The following ALPK2 variants were observed in gnomAD, a reference collection of about 807,000 sequenced individuals.
ALPK2 encodes alpha kinase 2.
Under a neutral mutation model 163.1 loss-of-function variants are expected in ALPK2, and 127 were observed. That is an observed-to-expected ratio of 0.78 (90% CI 0.67 to 0.90). The LOEUF (loss-of-function observed/expected upper bound fraction) is 0.90. ALPK2 is among the 40% of genes least tolerant of loss of function. ALPK2 has a pLI of 0.00. For synonymous variants in ALPK2, 953 were observed against 959.1 expected (o/e 0.99, Z 0.12); for missense variants, 2,360 against 2,589.6 (o/e 0.91, Z 1.92).
intron 5 of ALPK2, 36 bp downstream of exon 5, chr18:58,534,798 A>G: frequency 6.4e-7 from 1 of 1,561,662 alleles, no homozygotes; most frequent in South Asian, 1.3e-5. Context: ...CTACAAGCCC[A>G]AACTTTAACA....
intron 3 of ALPK2, among the ~76,000 whole-genome samples, chr18:58,593,602 G>A (rs1393978336): frequency 6.8e-6 from 1 of 147,168 alleles, no homozygotes; most frequent in Non-Finnish European, 1.5e-5. Flanking sequence ...AAAAGACCGG[G>A]TGCAGTGGCT....
At chr18:58,615,235 G>T (rs577083205) in intron 1 of ALPK2, among the ~76,000 whole-genome samples, 1 of 152,264 alleles carries the variant, frequency 6.6e-6, no homozygotes, top group Admixed American at 6.5e-5. Flanking sequence ...ATGCTTTTCA[G>T]AAGCAACTGT....
chr18:58,535,529 A>G lies in ALPK2; in HGVS notation c.4658T>C (p.Leu1553Pro), dbSNP rs2051639849. ...SCLPIMTHAS[L>P]GVDTHNSTGQ... ...TGTGGAGTTGTGCGTGTCAACCCCA[A>G]GAGAAGCGTGAGTCATTATTGGAAG... is the stretch of plus-strand genomic sequence containing the variant. The change falls in exon 5 of 13, where the codon CTT (leucine) becomes CCT (proline). Residue 1553 changes from leucine to proline, a missense_variant. Physicochemically the swap from Leu to Pro is moderately conservative, Grantham distance 98. Coordinates refer to ENST00000361673, the MANE Select transcript of ALPK2 (RefSeq NM_052947.4). The G allele has an allele frequency of 6.2e-7, 1 of 1,614,054 alleles. No homozygotes were observed. The highest frequency in any genetic ancestry group is 1.7e-5 in the Admixed American group (1 of 60,008).
At chr18:58,587,834 T>G (rs1292511324) in intron 3 of ALPK2, among the ~76,000 whole-genome samples, 1 of 152,174 alleles carries the variant, frequency 6.6e-6, no homozygotes, top group Non-Finnish European at 1.5e-5. Context: ...TGGAAAAAAC[T>G]GGAAGTCCCT....
intron 10 of ALPK2, among the ~76,000 whole-genome samples, chr18:58,505,803 T>G (rs1018689881): frequency 6.6e-6 from 1 of 152,196 alleles, no homozygotes; most frequent in African/African-American, 2.4e-5. Flanking sequence ...CATCATGCTG[T>G]TAAGTCCAGT....
intron 1 of ALPK2, among the ~76,000 whole-genome samples, chr18:58,628,552 A>C (rs2052243462): frequency 6.6e-6 from 1 of 152,228 alleles, no homozygotes; most frequent in South Asian, 2.1e-4. Flanking sequence ...ATTTTCAAAA[A>C]GGGTCAAAAT....
intron 11 of ALPK2, 63 bp from the exon 12 acceptor site, chr18:58,498,160 C>G: frequency 1.3e-6 from 2 of 1,504,026 alleles, no homozygotes; most frequent in Non-Finnish European, 1.9e-6. Context: ...GAAGTTGGGC[C>G]ATCTAGCCCC....
At chr18:58,533,800 T>C (rs141310817) in intron 5 of ALPK2, among the ~76,000 whole-genome samples, 9 of 152,294 alleles carry the variant, frequency 5.9e-5, no homozygotes, top group African/African-American at 1.7e-4. Flanking sequence ...AATAACCTGA[T>C]TGGATACTTC....
intron 10 of ALPK2, among the ~76,000 whole-genome samples, chr18:58,509,189 C>A (rs2051476879): frequency 6.6e-6 from 1 of 152,024 alleles, no homozygotes; most frequent in Non-Finnish European, 1.5e-5. Flanking sequence ...CCAGCTTCAT[C>A]CATGTCCCTA....
chr18:58,538,319 C>A (rs9962964), intron 4 of ALPK2, 95 bp from the exon 5 acceptor site: 3 of 1,055,520 alleles, frequency 2.8e-6, no homozygotes, highest in African/African-American at 3.2e-5. Flanking sequence ...CCTCAATGAC[C>A]GTAATAATGG....
At position 58,607,364 on chromosome 18, in the gene ALPK2, T is replaced by C; in HGVS notation, c.185A>G (p.Glu62Gly). ...ATGAATATACTGATTCTCAAAGAAT[T>C]CATAGTTGGAAATAATGCCACTCCC... ...IDGSGIISNYEFFENQYIHVL... is the reference protein window; with the variant it reads ...IDGSGIISNYGFFENQYIHVL... The change falls in exon 3 of 13, where the codon GAA becomes GGA. Residue 62 changes from glutamate (E) to glycine (G), a missense_variant. By Grantham distance (98) the Glu-to-Gly change is moderately conservative. Coordinates refer to ENST00000361673, the MANE Select transcript of ALPK2 (RefSeq NM_052947.4). 6.2e-7 allele frequency: 1 copy of C among 1,613,716 alleles called. No homozygotes were observed. The highest frequency in any genetic ancestry group is 1.7e-4 in the Middle Eastern group (1 of 6,060).
In ALPK2 at chr18:58,522,093, A is replaced by C. The variant is rs575018513; in HGVS notation, c.5665+1713T>G. The stretch of plus-strand genomic sequence containing the variant: ...AAATCTTTAAGATGCTAGTTCAATT[A>C]ACTGTCAGAATTTATCCAATTTCTC... On this transcript the variant is annotated intron_variant, in intron 8 of 12. Coordinates refer to ENST00000361673, the MANE Select transcript of ALPK2 (RefSeq NM_052947.4). Among the ~76,000 whole-genome samples the C allele has an allele frequency of 1.3e-5, 2 of 152,218 alleles. 1 individual carries two copies. The highest frequency in any genetic ancestry group is 2.9e-5 in the Non-Finnish European group (2 of 68,046).
intron 4 of ALPK2, among the ~76,000 whole-genome samples, chr18:58,539,641 C>T (rs1484375486): frequency 6.6e-6 from 1 of 152,206 alleles, no homozygotes; most frequent in African/African-American, 2.4e-5. Context: ...GAACAGATGA[C>T]TGGCCTTGGC....
chr18:58,611,729 A>T lies in ALPK2; in HGVS notation c.69T>A (p.Val23=). ...CFLSTLLSQK[V]PEKSDAVLRC... is the part of the protein sequence containing the mutation. Reference sequence around the variant, plus strand: ...GAAGCACAGCGTCTGACTTCTCAGGAACCTTCTGGGAAAGCAATGTAGATA... The same window carrying T: ...GAAGCACAGCGTCTGACTTCTCAGGTACCTTCTGGGAAAGCAATGTAGATA... The change falls in exon 2 of 13, where the codon GTT becomes GTA. Residue 23 remains valine, a synonymous_variant. Coordinates refer to ENST00000361673, the MANE Select transcript of ALPK2 (RefSeq NM_052947.4). 4 of 1,613,102 alleles carry T rather than the reference A, an allele frequency of 2.5e-6. No homozygotes were observed. Among genetic ancestry groups the T allele is most frequent in the Non-Finnish European group, 3.4e-6 (4 of 1,179,608 alleles).
At chr18:58,513,721 T>A (rs1475932119) in intron 10 of ALPK2, among the ~76,000 whole-genome samples, 4 of 151,712 alleles carry the variant, frequency 2.6e-5, no homozygotes, top group Admixed American at 6.6e-5. Flanking sequence ...TACGAGAAAA[T>A]TTTTTTTAAT....
At chr18:58,617,466 C>T (rs1048946788) in intron 1 of ALPK2, among the ~76,000 whole-genome samples, 7 of 152,162 alleles carry the variant, frequency 4.6e-5, no homozygotes, top group East Asian at 1.9e-4. Context: ...GGATTACAGG[C>T]GTGAACTACT....
intron 12 of ALPK2, among the ~76,000 whole-genome samples, chr18:58,489,973 C>T (rs565921111): frequency 7.3e-5 from 11 of 151,184 alleles, no homozygotes; most frequent in African/African-American, 2.2e-4. Flanking sequence ...CTTAGCTACT[C>T]AGGAGGCTGA....
chr18:58,530,212 G>T (rs761959577), intron 5 of ALPK2, among the ~76,000 whole-genome samples: 17 of 152,174 alleles, frequency 1.1e-4, no homozygotes, highest in Non-Finnish European at 2.2e-4. Context: ...TCTCTCCTTG[G>T]CACCAGCAGA....
At chr18:58,534,691 A>G (rs927418848) in intron 5 of ALPK2, 143 bp downstream of exon 5, 2 of 1,099,164 alleles carry the variant, frequency 1.8e-6, no homozygotes, top group Non-Finnish European at 2.6e-6. Context: ...CCACATGCTG[A>G]AGCCACTTGG....
Sources: gnomAD v4.1 joint callset for allele counts (sites outside exome capture counted in the v4.1 genomes callset) on GRCh38, gnomAD v4.1.1 for gene constraint, MANE v1.5 for transcripts, NCBI Gene and HGNC (gene_info 2026-07-23, HGNC 2026-07-21) for gene names.